Variants in KIF20A observed in about 807,000 individuals in gnomAD.
KIF20A encodes the protein kinesin family member 20A.
A neutral mutation model predicts 113.0 loss-of-function variants in KIF20A; 66 were observed. The observed-to-expected ratio is 0.58, with a 90% CI of 0.48 to 0.72. The LOEUF is 0.72. KIF20A is among the 30% of genes least tolerant of loss of function. KIF20A has a pLI of 0.00. For synonymous variants in KIF20A, 376 were observed against 402.3 expected, an observed-to-expected ratio of 0.93 and a Z score of 0.78; for missense variants, 927 against 1,077.6, an observed-to-expected ratio of 0.86 and a Z score of 1.96.
At chr5:138,180,762 G>A (rs998840665) in intron 2 of KIF20A, among the ~76,000 whole-genome samples, 4 of 152,056 alleles carry the variant, frequency 2.6e-5, no homozygotes, top group African/African-American at 9.7e-5. Context: ...TGCAACCTCC[G>A]CCTCCCGGGT....
rs780212950 is a variant in KIF20A at position 138,185,680 on chromosome 5, T to C, written c.2095T>C (p.Cys699Arg). The change falls in exon 16 of 19, where the codon TGC (cysteine) becomes CGC (arginine). Residue 699 changes from cysteine (C) to arginine (R), a missense_variant. Coordinates refer to ENST00000394894, the MANE Select transcript of KIF20A (RefSeq NM_005733.3). The part of the protein sequence containing the change: ...LQEVKAKLQQ[C>R]KAELNSTTEE... ...GGAGGTTAAAGCTAAATTACAGCAG[T>C]GCAAAGCAGAGCTAAACTCTACCAC... is the stretch of plus-strand genomic sequence containing the variant. The C allele has an allele frequency of 1.3e-5, 21 of 1,614,112 alleles. No individual in the cohort carries two copies. Among genetic ancestry groups the C allele is most frequent in the Admixed American group, 1.7e-5 (1 of 60,010 alleles).
chr5:138,187,185 T>C lies in KIF20A; in HGVS notation c.2445T>C (p.His815=). The change falls in exon 19 of 19, where the codon CAT becomes CAC. Residue 815 remains histidine (H), a synonymous_variant. Coordinates refer to ENST00000394894, the MANE Select transcript of KIF20A (RefSeq NM_005733.3). The part of the protein sequence containing the change: ...KKAACIAEQY[H]TVLKLQGQVS... ...CAGCATGTATTGCTGAGCAGTATCA[T>C]ACTGTGTTGAAACTCCAAGGCCAGG... The C allele has an allele frequency of 6.2e-7, 1 of 1,614,138 alleles. No individual in the cohort carries two copies. Among genetic ancestry groups the C allele is most frequent in the Non-Finnish European group, 8.5e-7 (1 of 1,180,000 alleles).
At chr5:138,182,171 G>C in intron 4 of KIF20A, 152 bp from the exon 5 acceptor site, 1 of 791,574 alleles carries the variant, frequency 1.3e-6, no homozygotes, top group South Asian at 1.7e-5. Context: ...TGAGTCCTCA[G>C]TGTTTAGGGA....
At position 138,185,644 on chromosome 5, in the gene KIF20A, C is replaced by G. The variant is rs1335994173; in HGVS notation, c.2059C>G (p.Gln687Glu). ...SQRLAASASTQQLQEVKAKLQ... is the reference protein window; with the variant it reads ...SQRLAASASTEQLQEVKAKLQ... ...AAGGTTGGCAGCTTCTGCCTCCACCCAGCAGCTTCAGGAGGTTAAAGCTAA... is the reference window on the plus strand; with the variant it reads ...AAGGTTGGCAGCTTCTGCCTCCACCGAGCAGCTTCAGGAGGTTAAAGCTAA... The change falls in exon 16 of 19, where the codon CAG becomes GAG. Residue 687 changes from glutamine to glutamate, a missense_variant. Physicochemically the swap from Gln to Glu is conservative, Grantham distance 29. Transcript: ENST00000394894. 1 of 1,614,194 alleles carries G rather than the reference C, an allele frequency of 6.2e-7. No individual in the cohort carries two copies. The highest frequency in any genetic ancestry group is 2.2e-5 in the East Asian group (1 of 44,888).
At chr5:138,182,492 T>C in intron 5 of KIF20A, 31 bp downstream of exon 5, 1 of 1,612,758 alleles carries the variant, frequency 6.2e-7, no homozygotes, top group Non-Finnish European at 8.5e-7. Context: ...GGATTCCTGA[T>C]TGGCTGGTAA....
rs576410927 is a variant in KIF20A, at chr5:138,183,684, C to T, written c.1140-4C>T. 2.3e-4 allele frequency: 373 copies of T among 1,613,446 alleles called. 4 individuals carry two copies. In the South Asian group the frequency reaches 3.9e-3, roughly 17 times the overall value. ...AATGACTTTTTGTTTTTCTTAACTT[C>T]CAGTCACAGCATCTTCTCAATCAGG... On this transcript the variant is annotated splice_polypyrimidine_tract_variant and splice_region_variant and intron_variant, in intron 9 of 18. Coordinates refer to ENST00000394894, the MANE Select transcript of KIF20A (RefSeq NM_005733.3). This position sits in a 1 kb window ranked among gnomAD's most constrained non-coding sequence, Gnocchi z 5.2.
chr5:138,185,539 G>C lies in KIF20A; in HGVS notation c.1954G>C (p.Glu652Gln). The change falls in exon 16 of 19, where the codon GAA becomes CAA. Residue 652 changes from glutamate (E) to glutamine (Q), a missense_variant. Transcript: ENST00000394894. Reference sequence around the variant, plus strand: ...GCGGGATGAAAAGATTGAAGAGCTAGAAGCTCTCTTGCAGGAAGCCAGACA... The same window carrying C: ...GCGGGATGAAAAGATTGAAGAGCTACAAGCTCTCTTGCAGGAAGCCAGACA... Reference protein sequence around the residue: ...QERDEKIEELEALLQEARQQS... With the variant: ...QERDEKIEELQALLQEARQQS... 1 of 1,613,774 alleles carries C rather than the reference G, an allele frequency of 6.2e-7. No homozygotes were observed. Among genetic ancestry groups the C allele is most frequent in the Non-Finnish European group, 8.5e-7 (1 of 1,180,006 alleles).
rs758026223 is a variant in KIF20A at position 138,187,234 on chromosome 5, A to G, written c.2494A>G (p.Thr832Ala). Reference protein sequence around the residue: ...GQVSAKKRLGTNQENQQPNQQ... With the variant: ...GQVSAKKRLGANQENQQPNQQ... ...GGTTTCTGCCAAAAAGCGCCTTGGT[A>G]CCAACCAGGAAAATCAGCAACCAAA... Residue 832 changes from threonine (T) to alanine (A), a missense_variant, in exon 19 of 19, where the codon ACC (threonine) becomes GCC (alanine). By Grantham distance (58) the Thr-to-Ala change is moderately conservative. Coordinates refer to ENST00000394894, the MANE Select transcript of KIF20A (RefSeq NM_005733.3). 17 of 1,614,088 alleles carry G rather than the reference A, an allele frequency of 1.1e-5. No homozygotes were observed. The highest frequency in any genetic ancestry group is 1.7e-5 in the Admixed American group (1 of 59,988).
chr5:138,185,418 G>T (rs1754728199), intron 15 of KIF20A, 94 bp from the exon 16 acceptor site: 5 of 1,197,508 alleles, frequency 4.2e-6, no homozygotes, highest in Non-Finnish European at 6.1e-6. Flanking sequence ...GTTTTCAAGG[G>T]ATCAGTGTCA....
rs931884635 is a variant in KIF20A at position 138,183,414 on chromosome 5, G to A, written c.1027+51G>A. On this transcript the variant is annotated intron_variant, in intron 8 of 18. Coordinates refer to ENST00000394894, the MANE Select transcript of KIF20A (RefSeq NM_005733.3). The surrounding 1 kb of genome is among the most constrained non-coding windows in gnomAD (Gnocchi z 5.2). ...ATGAACCCTGGAGGGCAACTGGGGAGAGACTGGCAAAAGAGTTGGATGTTC... is the reference window on the plus strand; with the variant it reads ...ATGAACCCTGGAGGGCAACTGGGGAAAGACTGGCAAAAGAGTTGGATGTTC... 2 of 1,612,222 alleles carry A rather than the reference G, an allele frequency of 1.2e-6. No individual in the cohort carries two copies. Among genetic ancestry groups the A allele is most frequent in the Non-Finnish European group, 8.5e-7 (1 of 1,178,294 alleles).
rs776197302 is a variant in KIF20A, at chr5:138,183,578, G to A, written c.1136G>A (p.Arg379His). The A allele has an allele frequency of 8.7e-6, 14 of 1,613,466 alleles. No homozygotes were observed. Among genetic ancestry groups the A allele is most frequent in the African/African-American group, 1.3e-5 (1 of 74,912 alleles). ...ASTHLNQNSS[R>H]SHSIFSIRIL... ...ACCCACCTCAACCAGAACTCCAGCCGCAGGTGAGTAGATTGTAAGAATAAA... is the reference window on the plus strand; with the variant it reads ...ACCCACCTCAACCAGAACTCCAGCCACAGGTGAGTAGATTGTAAGAATAAA... Residue 379 changes from arginine (R) to histidine (H), a missense_variant, in exon 9 of 19, where the codon CGC becomes CAC. Transcript: ENST00000394894. The surrounding 1 kb of genome is among the most constrained non-coding windows in gnomAD (Gnocchi z 5.2).
At position 138,183,556 on chromosome 5, in the gene KIF20A, C is replaced by T; in HGVS notation, c.1114C>T (p.His372Tyr). The T allele has an allele frequency of 6.2e-7, 1 of 1,614,100 alleles. No individual in the cohort carries two copies. The highest frequency in any genetic ancestry group is 8.5e-7 in the Non-Finnish European group (1 of 1,180,014). Residue 372 changes from histidine (H) to tyrosine (Y), a missense_variant, in exon 9 of 19, where the codon CAC (histidine) becomes TAC (tyrosine). Transcript: ENST00000394894. The surrounding 1 kb of genome is among the most constrained non-coding windows in gnomAD (Gnocchi z 5.2). ...TAAGAACCAGAGCTTTGCCAGCACC[C>T]ACCTCAACCAGAACTCCAGCCGCAG... is the stretch of plus-strand genomic sequence containing the variant. ...GRKNQSFAST[H>Y]LNQNSSRSHS...
rs773300854 is a variant in KIF20A, at chr5:138,187,318, T to C, written c.2578T>C (p.Cys860Arg). ...LRNLLPRTPT[C>R]QSSTDCSPYA... ...AAATTTACTTCCCCGAACACCAACC[T>C]GCCAAAGCTCAACAGACTGCAGCCC... Residue 860 changes from cysteine (C) to arginine (R), a missense_variant, in exon 19 of 19, where the codon TGC becomes CGC. By Grantham distance (180) the Cys-to-Arg change is radical. Transcript: ENST00000394894. The C allele has an allele frequency of 1.9e-5, 31 of 1,614,072 alleles. No individual in the cohort carries two copies. Among genetic ancestry groups the C allele is most frequent in the Non-Finnish European group, 2.4e-5 (28 of 1,180,052 alleles).
chr5:138,182,967 G>A lies in KIF20A; in HGVS notation c.809G>A (p.Cys270Tyr). 3.7e-6 allele frequency: 6 copies of A among 1,614,200 alleles called. No individual in the cohort carries two copies. Among genetic ancestry groups the A allele is most frequent in the South Asian group, 1.1e-5 (1 of 91,080 alleles). The change falls in exon 7 of 19, where the codon TGT becomes TAT. Residue 270 changes from cysteine (C) to tyrosine (Y), a missense_variant. By Grantham distance (194) the Cys-to-Tyr change is radical. Transcript: ENST00000394894. ...GIAGLSSISQ[C>Y]TSSSQLDETS... ...GCTGGGCTCTCTTCTATCAGTCAGTGTACCAGCAGTAGCCAGCTGGATGGT... is the reference window on the plus strand; with the variant it reads ...GCTGGGCTCTCTTCTATCAGTCAGTATACCAGCAGTAGCCAGCTGGATGGT...
chr5:138,181,617 C>T lies in KIF20A; in HGVS notation c.264C>T (p.Val88=). ...ELERQEDQGC[V]RIENVETLVL... ...ATTTTCTCCCTTCTCAGGGTTGTGT[C>T]CGTATTGAGAATGTGGAGACCCTTG... Residue 88 remains valine (V), a synonymous_variant, in exon 4 of 19, where the codon GTC becomes GTT. Transcript: ENST00000394894. The T allele has an allele frequency of 1.2e-6, 2 of 1,614,168 alleles. No homozygotes were observed. The highest frequency in any genetic ancestry group is 1.7e-6 in the Non-Finnish European group (2 of 1,180,034).
chr5:138,185,687 C>G lies in KIF20A; in HGVS notation c.2102C>G (p.Ala701Gly), dbSNP rs749332773. The change falls in exon 16 of 19, where the codon GCA (alanine) becomes GGA (glycine). Residue 701 changes from alanine (A) to glycine (G), a missense_variant. By Grantham distance (60) the Ala-to-Gly change is moderately conservative (BLOSUM62 0). Transcript: ENST00000394894. ...AAAGCTAAATTACAGCAGTGCAAAG[C>G]AGAGCTAAACTCTACCACTGAAGGT... The part of the protein sequence containing the change: ...EVKAKLQQCK[A>G]ELNSTTEELH... 6.2e-7 allele frequency: 1 copy of G among 1,614,128 alleles called. No individual in the cohort carries two copies. The highest frequency in any genetic ancestry group is 8.5e-7 in the Non-Finnish European group (1 of 1,179,982).
In KIF20A at chr5:138,187,137, G is replaced by T; in HGVS notation, c.2397G>T (p.Val799=). The T allele has an allele frequency of 6.2e-7, 1 of 1,613,532 alleles. No homozygotes were observed. The highest frequency in any genetic ancestry group is 8.5e-7 in the Non-Finnish European group (1 of 1,179,470). Residue 799 remains valine (V), a synonymous_variant, in exon 19 of 19, where the codon GTG becomes GTT. Transcript: ENST00000394894. The part of the protein sequence containing the change: ...LAELQNNMVL[V]KLDLRKKAAC... ...AACTGCAGAACAACATGGTGCTAGT[G>T]AAACTGGACCTTCGGAAGAAGGCAG...
At chr5:138,186,138 CAAGAT>C (rs1256619819) in intron 17 of KIF20A, 86 bp downstream of exon 17, 22 of 1,499,696 alleles carry the variant, frequency 1.5e-5, no homozygotes, top group Non-Finnish European at 1.9e-5. Flanking sequence ...CATGTGAAGA[CAAGAT>C]GTTTTTTGTG....
At position 138,183,818 on chromosome 5, in the gene KIF20A, G is replaced by C; in HGVS notation, c.1208+62G>C. 6.4e-7 allele frequency: 1 copy of C among 1,573,102 alleles called. No homozygotes were observed. Among genetic ancestry groups the C allele is most frequent in the Non-Finnish European group, 8.7e-7 (1 of 1,144,366 alleles). On this transcript the variant is annotated intron_variant, in intron 10 of 18. Coordinates refer to ENST00000394894, the MANE Select transcript of KIF20A (RefSeq NM_005733.3). This position sits in a 1 kb window ranked among gnomAD's most constrained non-coding sequence, Gnocchi z 5.2. ...CATAAATGATAGTTGGGAAAGCATG[G>C]AGGAGGTCCTCAGGGGAACTATGTG...
Sources: allele counts gnomAD v4.1 joint callset (sites outside exome capture counted in the v4.1 genomes callset), GRCh38; gene constraint gnomAD v4.1.1; non-coding constraint Gnocchi (gnomAD v3.1); transcripts MANE v1.5; gene names NCBI Gene and HGNC (gene_info 2026-07-23, HGNC 2026-07-21).